Variants in PTPRO observed in about 807,000 individuals in gnomAD.
PTPRO encodes receptor-type tyrosine-protein phosphatase O.
Under a neutral mutation model 145.2 loss-of-function variants are expected in PTPRO, and 62 were observed. The observed-to-expected ratio is 0.43, with a 90% confidence interval of 0.35 to 0.53. The LOEUF is 0.53. Ranked by LOEUF, PTPRO falls within the 20% of genes least tolerant of loss-of-function variation. The pLI, the probability that PTPRO is intolerant of heterozygous loss-of-function variation, is 0.01. For missense variants in PTPRO, 1,345 were observed against 1,482.7 expected (o/e 0.91, Z 1.53); for synonymous variants, 565 against 514.7 (o/e 1.10, Z -1.32).
intron 2 of PTPRO, among the ~76,000 whole-genome samples, chr12:15,494,911 A>C (rs1315738998): frequency 6.6e-6 from 1 of 152,076 alleles, no homozygotes; most frequent in African/African-American, 2.4e-5. Context: ...GTCTCCTTTC[A>C]TTTTAGTTCT....
chr12:15,479,354 A>G (rs1314610327), intron 1 of PTPRO, among the ~76,000 whole-genome samples: 3 of 152,196 alleles, frequency 2.0e-5, no homozygotes, highest in African/African-American at 4.8e-5. Context: ...CACCTCAGCC[A>G]GCAGGGGAGG....
At chr12:15,562,055 G>C (rs922130323) in intron 17 of PTPRO, among the ~76,000 whole-genome samples, 1 of 152,104 alleles carries the variant, frequency 6.6e-6, no homozygotes, top group African/African-American at 2.4e-5. Context: ...CCTTGAAACT[G>C]TAAATGGTTG....
intron 1 of PTPRO, among the ~76,000 whole-genome samples, chr12:15,397,652 T>C (rs1939378926): frequency 6.6e-6 from 1 of 152,138 alleles, no homozygotes; most frequent in Non-Finnish European, 1.5e-5. Flanking sequence ...GTGGCTTTGG[T>C]CCTGGTTCAT....
At chr12:15,520,523 C>T (rs957349826) in intron 10 of PTPRO, among the ~76,000 whole-genome samples, 2 of 152,078 alleles carry the variant, frequency 1.3e-5, no homozygotes, top group Admixed American at 6.5e-5. Flanking sequence ...GTGTTACCAC[C>T]GTTGACTTAT....
intron 9 of PTPRO, among the ~76,000 whole-genome samples, chr12:15,517,296 CT>C (rs531662959): frequency 7.8e-4 from 119 of 152,266 alleles, no homozygotes; most frequent in Admixed American, 1.4e-3. Flanking sequence ...TCTCATGAGA[CT>C]TATTCACTAT....
chr12:15,328,351 C>G (rs139442695), intron 1 of PTPRO, among the ~76,000 whole-genome samples: 1 of 152,184 alleles, frequency 6.6e-6, no homozygotes, highest in African/African-American at 2.4e-5. Context: ...CATCTAATTC[C>G]CGAATGAAAG....
intron 1 of PTPRO, among the ~76,000 whole-genome samples, chr12:15,459,056 T>C (rs967657251): frequency 2.0e-5 from 3 of 152,162 alleles, no homozygotes; most frequent in Non-Finnish European, 4.4e-5. Context: ...ATCAGCTATG[T>C]TCTTAGTAGC....
intron 15 of PTPRO, among the ~76,000 whole-genome samples, chr12:15,552,795 C>CTT (rs747379253): frequency 0.15 from 13,623 of 91,518 alleles, 2,678 homozygotes; most frequent in East Asian, 0.23. Flanking sequence ...GAGGTCAAAT[C>CTT]TTTTTTTTTT....
At chr12:15,544,686 C>T (rs1451811418) in intron 12 of PTPRO, among the ~76,000 whole-genome samples, 1 of 152,014 alleles carries the variant, frequency 6.6e-6, no homozygotes, top group African/African-American at 2.4e-5. Flanking sequence ...ATCTATGCCC[C>T]CAAACAACTT....
chr12:15,384,879 A>T (rs1359178687), intron 1 of PTPRO, among the ~76,000 whole-genome samples: 1 of 152,222 alleles, frequency 6.6e-6, no homozygotes, highest in Non-Finnish European at 1.5e-5. Context: ...TAAAAGCAAG[A>T]CCTATGACAA....
chr12:15,597,979 C>A lies in PTPRO; in HGVS notation c.*1906C>A, dbSNP rs1487150309. Among the ~76,000 whole-genome samples the A allele has an allele frequency of 6.6e-6, 1 of 152,152 alleles. No individual in the cohort carries two copies. Among genetic ancestry groups the A allele is most frequent in the African/African-American group, 2.4e-5 (1 of 41,430 alleles). ...TGTATGGTAAGCTGAAGTACGTTTC[C>A]AACACTGCTGCTCAGAGCATACAGA... On this transcript the variant is annotated 3_prime_UTR_variant, in exon 27 of 27. Transcript: ENST00000281171.
intron 1 of PTPRO, among the ~76,000 whole-genome samples, chr12:15,445,277 C>A (rs1740584797): frequency 6.6e-6 from 1 of 151,934 alleles, no homozygotes; most frequent in African/African-American, 2.4e-5. Flanking sequence ...TCATATATTT[C>A]TTTTATCTAA....
Position 15,322,858 on chromosome 12 carries a change from G to A in PTPRO, c.75+57G>A. 6.4e-7 allele frequency: 1 copy of A among 1,559,640 alleles called. No homozygotes were observed. The highest frequency in any genetic ancestry group is 2.3e-5 in the East Asian group (1 of 42,592). On this transcript the variant is annotated intron_variant, in intron 1 of 26. Transcript: ENST00000281171. The surrounding 1 kb of genome is among the most constrained non-coding windows in gnomAD (Gnocchi z 6.3). ...CGGTCCGGGCGGCAGCCGCGCTCCG[G>A]CGCCCTCGCTCTGCCGTTGGGAGCG...
rs754853238 is a variant in PTPRO at position 15,526,148 on chromosome 12, C to A, written c.2050C>A (p.Arg684Ser). 1 of 1,613,930 alleles carries A rather than the reference C, an allele frequency of 6.2e-7. No individual in the cohort carries two copies. Among genetic ancestry groups the A allele is most frequent in the South Asian group, 1.1e-5 (1 of 91,086 alleles). Residue 684 changes from arginine (R) to serine (S), a missense_variant, in exon 12 of 27, where the codon CGC becomes AGC. Arg to Ser is a moderately radical substitution (Grantham distance 110, BLOSUM62 -1). Around this residue, in one of 3 missense-constraint regions of PTPRO, gnomAD observed 1,130 missense variants for 1,214.7 expected, o/e 0.93. Coordinates refer to ENST00000281171, the MANE Select transcript of PTPRO (RefSeq NM_030667.3). The part of the protein sequence containing the change: ...GKKKIKKSVT[R>S]NVMTAILSLP... The stretch of plus-strand genomic sequence containing the variant: ...GATTTTGATGATCTTGCAGGTAACA[C>A]GCAATGTCATGACTGCAATTCTCAG...
At chr12:15,338,765 A>T (rs1866859290) in intron 1 of PTPRO, among the ~76,000 whole-genome samples, 1 of 152,194 alleles carries the variant, frequency 6.6e-6, no homozygotes, top group Non-Finnish European at 1.5e-5. Flanking sequence ...AATAGAAAGT[A>T]TAAGATAAGC....
At chr12:15,396,498 TTATAG>T (rs1160223043) in intron 1 of PTPRO, among the ~76,000 whole-genome samples, 3 of 152,204 alleles carry the variant, frequency 2.0e-5, no homozygotes, top group African/African-American at 2.4e-5. Context: ...CAGCCCTCTT[TTATAG>T]TAAAGTATTA....
intron 2 of PTPRO, among the ~76,000 whole-genome samples, chr12:15,494,185 T>C (rs756938600): frequency 1.3e-5 from 2 of 152,216 alleles, no homozygotes; most frequent in African/African-American, 2.4e-5. Context: ...ATTTCAAATA[T>C]ATTTTCTAAT....
intron 1 of PTPRO, among the ~76,000 whole-genome samples, chr12:15,410,056 A>G (rs1939755134): frequency 6.6e-6 from 1 of 152,212 alleles, no homozygotes. Context: ...TTAAGGTATA[A>G]CAAAGAGTTA....
At chr12:15,420,011 G>C (rs976114064) in intron 1 of PTPRO, among the ~76,000 whole-genome samples, 1 of 151,410 alleles carries the variant, frequency 6.6e-6, no homozygotes, top group Admixed American at 6.6e-5. Context: ...GCTGGGCGCG[G>C]TGGCGGGCGC....
Sources: gnomAD v4.1 joint callset for allele counts (sites outside exome capture counted in the v4.1 genomes callset) on GRCh38, gnomAD v4.1.1 for gene constraint, gnomAD v4.1.1 regional missense constraint, Gnocchi (gnomAD v3.1) non-coding constraint, MANE v1.5 for transcripts, NCBI Gene and HGNC (gene_info 2026-07-23, HGNC 2026-07-21) for gene names.